The following SIK3 variants were observed in gnomAD, a reference collection of about 807,000 sequenced individuals.
SIK3 encodes serine/threonine-protein kinase SIK3.
SIK3 carries 28 observed loss-of-function variants against 144.2 expected under a neutral mutation model. The observed-to-expected ratio is 0.19, with a 90% confidence interval of 0.14 to 0.27. The LOEUF (loss-of-function observed/expected upper bound fraction) is 0.27. SIK3 is among the 10% of genes least tolerant of loss of function. SIK3 has a pLI of 1.00. For missense variants in SIK3, 1,319 were observed against 1,776.0 expected, an observed-to-expected ratio of 0.74 and a Z score of 4.62; for synonymous variants, 686 against 676.3, an observed-to-expected ratio of 1.01 and a Z score of -0.22.
chr11:117,056,097 G>C (rs1953503967), intron 1 of SIK3, among the ~76,000 whole-genome samples: 1 of 152,118 alleles, frequency 6.6e-6, no homozygotes, highest in Admixed American at 6.6e-5. Flanking sequence ...GAACCAACAG[G>C]GAAGTAGATA....
At chr11:117,041,162 T>A (rs753460738) in intron 1 of SIK3, among the ~76,000 whole-genome samples, 4 of 152,096 alleles carry the variant, frequency 2.6e-5, no homozygotes, top group Non-Finnish European at 5.9e-5. Flanking sequence ...AATATCATAT[T>A]TTAAAATGAA....
At chr11:116,920,501 T>A (rs1490922072) in intron 4 of SIK3, among the ~76,000 whole-genome samples, 1 of 152,170 alleles carries the variant, frequency 6.6e-6, no homozygotes, top group Non-Finnish European at 1.5e-5. Flanking sequence ...CACAGCCCTA[T>A]GAGAGCTTAT....
At chr11:117,014,142 G>A (rs182843966) in intron 1 of SIK3, among the ~76,000 whole-genome samples, 31 of 151,282 alleles carry the variant, frequency 2.0e-4, no homozygotes, top group African/African-American at 7.0e-4. Context: ...ACCAGGCCCA[G>A]TCCAGTCAGT....
rs191291874 is a variant in SIK3 at position 117,020,123 on chromosome 11, C to T, written c.274-63059G>A. On this transcript the variant is annotated intron_variant, in intron 1 of 24. Coordinates refer to ENST00000445177, the MANE Select transcript of SIK3 (RefSeq NM_001366686.3). ...GACGAATGAGCCAGATGAAACTACACATTCATTTGCTCGAAAAAGTAAGTG... is the reference window on the plus strand; with the variant it reads ...GACGAATGAGCCAGATGAAACTACATATTCATTTGCTCGAAAAAGTAAGTG... Among the ~76,000 whole-genome samples, 284 of 151,970 alleles carry T rather than the reference C, an allele frequency of 1.9e-3. 2 individuals are homozygous for T. The highest frequency in any genetic ancestry group is 6.4e-3 in the African/African-American group (266 of 41,374).
chr11:117,004,701 G>A (rs971851977), intron 1 of SIK3, among the ~76,000 whole-genome samples: 7 of 152,124 alleles, frequency 4.6e-5, no homozygotes, highest in African/African-American at 1.7e-4. Flanking sequence ...AACAACCACA[G>A]AGTCACAGGA....
chr11:116,963,584 T>A (rs1461869137), intron 1 of SIK3, among the ~76,000 whole-genome samples: 1 of 152,204 alleles, frequency 6.6e-6, no homozygotes, highest in Non-Finnish European at 1.5e-5. Flanking sequence ...TTAAAAATGG[T>A]TTTGACCTAG....
chr11:116,996,819 C>CAAA lies in SIK3; in HGVS notation c.274-39758_274-39756dup, dbSNP rs11329513. On this transcript the variant is annotated intron_variant, in intron 1 of 24. Coordinates refer to ENST00000445177, the MANE Select transcript of SIK3 (RefSeq NM_001366686.3). ...TGGGCGCCAGAGGGAGACTCTCTCTCAAAAAAAAAAAAAAAAAAAAAAAAA... is the reference window on the plus strand; with the variant it reads ...TGGGCGCCAGAGGGAGACTCTCTCTCAAAAAAAAAAAAAAAAAAAAAAAAAAAA... Among the ~76,000 whole-genome samples the CAAA allele has an allele frequency of 4.5e-3, 263 of 58,402 alleles. 22 individuals carry two copies. Among genetic ancestry groups the CAAA allele is most frequent in the African/African-American group, 0.013 (215 of 16,308 alleles). 38.3% of individuals were successfully genotyped at this position (58,402 alleles called of 152,430 possible). A position where few individuals can be genotyped will look rare whatever the true frequency, so the allele number is the denominator to read the frequency against.
At chr11:117,034,158 C>T (rs1189124238) in intron 1 of SIK3, among the ~76,000 whole-genome samples, 3 of 152,264 alleles carry the variant, frequency 2.0e-5, no homozygotes, top group East Asian at 3.9e-4. Context: ...TACCATAGCA[C>T]TGTATAAGTT....
At chr11:116,984,791 T>C (rs190477845) in intron 1 of SIK3, among the ~76,000 whole-genome samples, 13 of 152,150 alleles carry the variant, frequency 8.5e-5, no homozygotes, top group East Asian at 3.9e-4. Flanking sequence ...ATTACGCAAT[T>C]TGTGGTTTCT....
chr11:116,922,882 C>T (rs1947064004), intron 4 of SIK3, among the ~76,000 whole-genome samples: 2 of 146,938 alleles, frequency 1.4e-5, no homozygotes, highest in Non-Finnish European at 3.0e-5. Flanking sequence ...GAGCTGCTTA[C>T]GACTAATTTC....
chr11:116,871,089 G>A (rs1415104658), intron 13 of SIK3, among the ~76,000 whole-genome samples: 1 of 152,150 alleles, frequency 6.6e-6, no homozygotes, highest in Non-Finnish European at 1.5e-5. Context: ...TCAATTCACT[G>A]CTTTAAAATA....
chr11:116,937,359 A>C (rs1947973904), intron 3 of SIK3, among the ~76,000 whole-genome samples: 1 of 152,246 alleles, frequency 6.6e-6, no homozygotes, highest in Non-Finnish European at 1.5e-5. Flanking sequence ...TGTAGCTTTA[A>C]CTTTGGAAAC....
rs540738541 is a variant in SIK3 at position 116,970,436 on chromosome 11, C to T, written c.274-13372G>A. On this transcript the variant is annotated intron_variant, in intron 1 of 24. Transcript: ENST00000445177. ...TAAATCAGAATCACTACTAGTCATA[C>T]AACTCTCAATCTTGGTTAGTTAAAG... 3.3e-4 allele frequency among the ~76,000 whole-genome samples: 51 copies of T among 152,294 alleles called. No homozygotes were observed. The Middle Eastern group carries it at 0.01, about 30-fold the overall frequency.
intron 1 of SIK3, among the ~76,000 whole-genome samples, chr11:117,014,520 C>A (rs1951437246): frequency 6.6e-6 from 1 of 151,614 alleles, no homozygotes; most frequent in Admixed American, 6.6e-5. Flanking sequence ...AAAGACACAA[C>A]TAACAGGGAA....
rs34259048 is a variant in SIK3 at position 117,066,534 on chromosome 11, C to CTT, written c.273+31607_273+31608dup. 5.1e-3 allele frequency among the ~76,000 whole-genome samples: 665 copies of CTT among 131,026 alleles called. 11 individuals are homozygous for CTT. The highest frequency in any genetic ancestry group is 0.015 in the African/African-American group (532 of 36,292). The allele number at this position is 131,026 out of a possible 152,430, so 86.0% of individuals were successfully genotyped here. A position where few individuals can be genotyped will look rare whatever the true frequency, so the allele number is the denominator to read the frequency against. On this transcript the variant is annotated intron_variant, in intron 1 of 24. Coordinates refer to ENST00000445177, the MANE Select transcript of SIK3 (RefSeq NM_001366686.3). ...AATATTCAACTATAAAGAAACAATC[C>CTT]TTTTTTTTTTTTTTTTGGAAAGACA...
intron 1 of SIK3, among the ~76,000 whole-genome samples, chr11:116,994,066 G>A (rs1239907076): frequency 6.6e-6 from 1 of 152,178 alleles, no homozygotes; most frequent in African/African-American, 2.4e-5. Context: ...TCCTATTTAT[G>A]ATACAACTAG....
At chr11:116,894,756 C>T (rs929656040) in intron 6 of SIK3, among the ~76,000 whole-genome samples, 20 of 152,196 alleles carry the variant, frequency 1.3e-4, no homozygotes, top group African/African-American at 4.3e-4. Context: ...GTGCCTGCCA[C>T]ACATGGTAGG....
intron 4 of SIK3, among the ~76,000 whole-genome samples, chr11:116,901,192 T>G (rs1429618090): frequency 6.6e-6 from 1 of 152,204 alleles, no homozygotes; most frequent in Non-Finnish European, 1.5e-5. Flanking sequence ...TTAATTGTAT[T>G]GTGTGTTTAT....
At chr11:116,856,333 A>G (rs994126193) in intron 21 of SIK3, among the ~76,000 whole-genome samples, 2 of 152,160 alleles carry the variant, frequency 1.3e-5, no homozygotes, top group African/African-American at 4.8e-5. Context: ...TCTGTTAGAA[A>G]GCTCCCAGGC....
Sources: gnomAD v4.1 joint callset for allele counts (sites outside exome capture counted in the v4.1 genomes callset) on GRCh38, gnomAD v4.1.1 for gene constraint, MANE v1.5 for transcripts, NCBI Gene and HGNC (gene_info 2026-07-23, HGNC 2026-07-21) for gene names.